GRM3: variants seen among roughly 807,000 people sequenced by gnomAD.
The protein encoded by GRM3 is glutamate metabotropic receptor 3.
Under a neutral mutation model 70.5 loss-of-function variants are expected in GRM3, and 26 were observed. The observed-to-expected ratio is 0.37, with a 90% CI of 0.27 to 0.51. The LOEUF (loss-of-function observed/expected upper bound fraction) is 0.51, where lower values mean the gene tolerates loss of function less well. Among genes scored for constraint, GRM3 ranks in the 20% least tolerant of loss-of-function variants. The probability of loss-of-function intolerance (pLI) is 0.93; values close to 1 mark genes in which losing one functional copy is unlikely to be tolerated. For missense variants in GRM3, 859 were observed against 1,123.8 expected (o/e 0.76, Z 3.37); for synonymous variants, 443 against 434.9 (o/e 1.02, Z -0.23).
intron 1 of GRM3, among the ~76,000 whole-genome samples, chr7:86,710,575 G>C (rs867952464): frequency 0.011 from 1,361 of 127,528 alleles, 38 homozygotes; most frequent in African/African-American, 0.037. Flanking sequence ...GTGGGGGGTG[G>C]GGGGAGGGGG....
At chr7:86,808,290 T>G (rs995357483) in intron 3 of GRM3, among the ~76,000 whole-genome samples, 1 of 152,202 alleles carries the variant, frequency 6.6e-6, no homozygotes, top group African/African-American at 2.4e-5. Context: ...TCCCTCTTTT[T>G]CTATTGATTG....
intron 3 of GRM3, among the ~76,000 whole-genome samples, chr7:86,822,245 C>A (rs535507392): frequency 7.2e-5 from 11 of 152,078 alleles, no homozygotes; most frequent in African/African-American, 2.7e-4. Flanking sequence ...TCCCAGGTTA[C>A]AATTTCTGTT....
At chr7:86,757,391 TG>T (rs1299588633) in intron 1 of GRM3, among the ~76,000 whole-genome samples, 9 of 152,238 alleles carry the variant, frequency 5.9e-5, no homozygotes, top group African/African-American at 2.2e-4. Context: ...AGGACAGGTC[TG>T]TTTTATACTT....
chr7:86,827,700 G>A (rs913553181), intron 3 of GRM3, among the ~76,000 whole-genome samples: 2 of 152,072 alleles, frequency 1.3e-5, no homozygotes, highest in African/African-American at 2.4e-5. Context: ...TTTTAGTAGA[G>A]AAGAAGTTTC....
intron 1 of GRM3, among the ~76,000 whole-genome samples, chr7:86,670,527 G>T (rs916212963): frequency 7.2e-5 from 11 of 152,120 alleles, no homozygotes; most frequent in African/African-American, 2.4e-4. Context: ...AATCCAATTG[G>T]TTCCATTTCC....
intron 3 of GRM3, among the ~76,000 whole-genome samples, chr7:86,808,782 G>A (rs1371844292): frequency 2.6e-5 from 4 of 152,096 alleles, no homozygotes; most frequent in Admixed American, 6.6e-5. Context: ...GAGCTTCACA[G>A]CAAGGAATAA....
chr7:86,812,172 G>A (rs1378122268), intron 3 of GRM3, among the ~76,000 whole-genome samples: 1 of 151,864 alleles, frequency 6.6e-6, no homozygotes, highest in South Asian at 2.1e-4. Context: ...TAAAAGTAAT[G>A]AGACTGTTAA....
chr7:86,783,106 A>G (rs1344717037), intron 2 of GRM3, among the ~76,000 whole-genome samples: 1 of 152,226 alleles, frequency 6.6e-6, no homozygotes, highest in Non-Finnish European at 1.5e-5. Context: ...CCAAGCTTTT[A>G]GACAAATGAG....
intron 1 of GRM3, among the ~76,000 whole-genome samples, chr7:86,658,337 C>T (rs1474225286): frequency 1.3e-5 from 2 of 152,148 alleles, no homozygotes; most frequent in Non-Finnish European, 2.9e-5. Flanking sequence ...GCATGTGTGT[C>T]GAGATTCATG....
At chr7:86,737,916 C>T (rs887114554) in intron 1 of GRM3, among the ~76,000 whole-genome samples, 5 of 152,148 alleles carry the variant, frequency 3.3e-5, no homozygotes, top group Admixed American at 6.5e-5. Flanking sequence ...TTAGCATGCC[C>T]CACTTAGATC....
At chr7:86,703,731 T>C (rs1333566595) in intron 1 of GRM3, among the ~76,000 whole-genome samples, 2 of 151,964 alleles carry the variant, frequency 1.3e-5, no homozygotes, top group African/African-American at 2.4e-5. Flanking sequence ...AAATGGAAAG[T>C]TGACGGCACA....
chr7:86,801,498 T>C (rs1289797740), intron 3 of GRM3, among the ~76,000 whole-genome samples: 4 of 152,186 alleles, frequency 2.6e-5, no homozygotes, highest in African/African-American at 9.7e-5. Flanking sequence ...TGGGCAATGG[T>C]GACATATGTA....
At chr7:86,700,610 T>C (rs1410422053) in intron 1 of GRM3, among the ~76,000 whole-genome samples, 1 of 151,944 alleles carries the variant, frequency 6.6e-6, no homozygotes, top group African/African-American at 2.4e-5. Context: ...CTATTATTAC[T>C]GAAGTCAGAC....
chr7:86,675,245 T>C (rs1413922644), intron 1 of GRM3, among the ~76,000 whole-genome samples: 1 of 152,104 alleles, frequency 6.6e-6, no homozygotes, highest in Non-Finnish European at 1.5e-5. Flanking sequence ...ACACTTTAGT[T>C]CTTTCTGGAA....
At chr7:86,777,934 A>T (rs1263748774) in intron 2 of GRM3, among the ~76,000 whole-genome samples, 3 of 152,198 alleles carry the variant, frequency 2.0e-5, no homozygotes, top group Admixed American at 6.6e-5. Context: ...GTTTTTATGT[A>T]ATAACCTGTG....
intron 5 of GRM3, among the ~76,000 whole-genome samples, chr7:86,854,905 C>T (rs1354368183): frequency 6.6e-6 from 1 of 152,172 alleles, no homozygotes; most frequent in African/African-American, 2.4e-5. Context: ...GTGGCCACAT[C>T]CACATGCAGT....
chr7:86,828,470 C>T (rs577892906), intron 3 of GRM3, among the ~76,000 whole-genome samples: 13 of 152,196 alleles, frequency 8.5e-5, no homozygotes, highest in African/African-American at 1.7e-4. Context: ...GCAAAATTCA[C>T]GATAAAGCAA....
At chr7:86,862,069 T>C (rs1486949867) in intron 5 of GRM3, among the ~76,000 whole-genome samples, 1 of 152,210 alleles carries the variant, frequency 6.6e-6, no homozygotes. Flanking sequence ...TTTAGATTTT[T>C]GGTTTGGGCA....
At chr7:86,702,858 A>G (rs951207373) in intron 1 of GRM3, among the ~76,000 whole-genome samples, 49 of 152,006 alleles carry the variant, frequency 3.2e-4, no homozygotes, top group African/African-American at 4.3e-4. Context: ...TGTGTCAAGA[A>G]GTAGCTGATC....
Sources: allele counts gnomAD v4.1 joint callset (sites outside exome capture counted in the v4.1 genomes callset), GRCh38; gene constraint gnomAD v4.1.1; transcripts MANE v1.5; gene names NCBI Gene and HGNC (gene_info 2026-07-23, HGNC 2026-07-21).